NEK1: variants seen among roughly 807,000 people sequenced by gnomAD.
NEK1 encodes the protein serine/threonine-protein kinase Nek1.
Under a neutral mutation model 182.1 loss-of-function variants are expected in NEK1, and 137 were observed. That is an observed-to-expected ratio of 0.75 (90% CI 0.65 to 0.87). The LOEUF (loss-of-function observed/expected upper bound fraction) is 0.87. Among genes scored for constraint, NEK1 ranks in the 40% least tolerant of loss-of-function variants. The pLI, the probability that NEK1 is intolerant of heterozygous loss-of-function variation, is 0.00. For synonymous variants in NEK1, 513 were observed against 492.2 expected, an observed-to-expected ratio of 1.04 and a Z score of -0.56; for missense variants, 1,391 against 1,494.4, an observed-to-expected ratio of 0.93 and a Z score of 1.14.
At position 169,477,158 on chromosome 4, in the gene NEK1, C is replaced by G. The variant is rs753381599; in HGVS notation, c.2400G>C (p.Glu800Asp). 12 of 1,606,376 alleles carry G rather than the reference C, an allele frequency of 7.5e-6. No individual in the cohort carries two copies. The highest frequency in any genetic ancestry group is 1.6e-4 in the Middle Eastern group (1 of 6,078). ...TAGAGAAGGATGTATCTAGTGTTAA[C>G]TCATCCAGAGGAATCACAAGTTGAC... ...AGGQLVIPLDELTLDTSFSTT... is the reference protein window; with the variant it reads ...AGGQLVIPLDDLTLDTSFSTT... Residue 800 changes from glutamate to aspartate, a missense_variant, in exon 26 of 36, where the codon GAG becomes GAC. Coordinates refer to ENST00000507142, the MANE Select transcript of NEK1 (RefSeq NM_001199397.3).
At chr4:169,525,690 T>C (rs980432919) in intron 19 of NEK1, among the ~76,000 whole-genome samples, 54 of 152,170 alleles carry the variant, frequency 3.5e-4, no homozygotes, top group African/African-American at 1.2e-3. Flanking sequence ...AAACACCATA[T>C]GGTTTAAAGC....
intron 2 of NEK1, among the ~76,000 whole-genome samples, chr4:169,607,352 T>C (rs1581121308): frequency 6.6e-6 from 1 of 152,116 alleles, no homozygotes; most frequent in Non-Finnish European, 1.5e-5. Flanking sequence ...AATAGAGGAC[T>C]TGAAAGTAAC....
chr4:169,577,080 C>T lies in NEK1; in HGVS notation c.869-1G>A. 1.9e-6 allele frequency: 3 copies of T among 1,613,306 alleles called. No individual in the cohort carries two copies. The highest frequency in any genetic ancestry group is 2.5e-6 in the Non-Finnish European group (3 of 1,179,622). On this transcript the variant is annotated splice_acceptor_variant, in intron 11 of 35. Coordinates refer to ENST00000507142, the MANE Select transcript of NEK1 (RefSeq NM_001199397.3). LOFTEE classifies it high-confidence loss of function. ...TTTTGTCCTGAAGCTGGTCTTTTAG[C>T]TAGATGAAAAGATACAAAGAATTTT...
rs1316575480 is a variant in NEK1 at position 169,602,006 on chromosome 4, A to C, written c.214+2T>G. 6.3e-7 allele frequency: 1 copy of C among 1,597,544 alleles called. No homozygotes were observed. Among genetic ancestry groups the C allele is most frequent in the South Asian group, 1.1e-5 (1 of 89,872 alleles). On this transcript the variant is annotated splice_donor_variant, in intron 4 of 35. Coordinates refer to ENST00000507142, the MANE Select transcript of NEK1 (RefSeq NM_001199397.3). LOFTEE classifies it high-confidence loss of function. ...TTAACTCTCTCGCATAATTTATCTG[A>C]CCTTCAAATGATTCTCTATACTGGA...
chr4:169,580,291 G>A (rs1029106316), intron 11 of NEK1, among the ~76,000 whole-genome samples: 1 of 152,062 alleles, frequency 6.6e-6, no homozygotes, highest in Admixed American at 6.6e-5. Flanking sequence ...GAGGTTGGGA[G>A]TTTGAGACCA....
At chr4:169,602,231 G>T (rs1770622718) in intron 3 of NEK1, 127 bp from the exon 4 acceptor site, 1 of 694,152 alleles carries the variant, frequency 1.4e-6, no homozygotes, top group Non-Finnish European at 2.5e-6. Context: ...ATAGCAAGAA[G>T]TTAAAAAGAA....
chr4:169,587,531 T>C, intron 9 of NEK1, 28 bp downstream of exon 9: 8 of 1,279,468 alleles, frequency 6.3e-6, no homozygotes, highest in Non-Finnish European at 8.6e-6. Flanking sequence ...AACATAACTT[T>C]GAAAGTATTT....
Position 169,580,846 on chromosome 4 carries a change from T to C in NEK1, c.864A>G (p.Ile288Met). 1 of 1,526,514 alleles carries C rather than the reference T, an allele frequency of 6.6e-7. No individual in the cohort carries two copies. The highest frequency in any genetic ancestry group is 8.9e-7 in the Non-Finnish European group (1 of 1,126,568). 94.6% of individuals were successfully genotyped at this position (1,526,514 alleles called of 1,614,324 possible). ...TTCATATCAGATTTCATTTACCTGG[T>C]ATAGGCTGTGATCCAAACTTCGAAA... ...KTFSKFGSQP[I>M]PAKRPASGQN... Residue 288 changes from isoleucine to methionine, a missense_variant, in exon 11 of 36, where the codon ATA (isoleucine) becomes ATG (methionine). Ile to Met is a conservative substitution (Grantham distance 10, BLOSUM62 1). This residue lies in a region of NEK1 where 1,216 missense variants were observed against 1,277.6 expected (regional missense o/e 0.95). Transcript: ENST00000507142.
intron 29 of NEK1, among the ~76,000 whole-genome samples, chr4:169,433,081 A>G (rs1737733988): frequency 6.6e-6 from 1 of 150,696 alleles, no homozygotes; most frequent in African/African-American, 2.4e-5. Flanking sequence ...ATTTTTTGTG[A>G]GACAGTCTTG....
chr4:169,396,009 A>G (rs1730623943), intron 35 of NEK1, among the ~76,000 whole-genome samples: 1 of 152,170 alleles, frequency 6.6e-6, no homozygotes, highest in African/African-American at 2.4e-5. Context: ...ATTTCATTAC[A>G]TAAACGCAGC....
intron 22 of NEK1, among the ~76,000 whole-genome samples, chr4:169,507,358 C>T (rs1329741704): frequency 6.6e-6 from 1 of 151,662 alleles, no homozygotes; most frequent in Non-Finnish European, 1.5e-5. Context: ...AAAATAAAGG[C>T]AGGTATATTT....
chr4:169,424,088 A>T (rs985905357), intron 31 of NEK1, among the ~76,000 whole-genome samples: 1 of 152,164 alleles, frequency 6.6e-6, no homozygotes, highest in Admixed American at 6.5e-5. Context: ...TTTTTATAAG[A>T]AAAAATTGGT....
At chr4:169,466,342 C>T (rs773677907) in intron 26 of NEK1, among the ~76,000 whole-genome samples, 17 of 151,800 alleles carry the variant, frequency 1.1e-4, no homozygotes, top group Non-Finnish European at 1.9e-4. Flanking sequence ...AGAAACATGA[C>T]GAAAGTGACA....
At chr4:169,609,120 T>C (rs1039236330) in intron 2 of NEK1, among the ~76,000 whole-genome samples, 1 of 151,850 alleles carries the variant, frequency 6.6e-6, no homozygotes, top group Non-Finnish European at 1.5e-5. Flanking sequence ...GTAAGTTTTA[T>C]GTTATGTATA....
In NEK1 at chr4:169,479,455, T is replaced by C; in HGVS notation, c.2087A>G (p.Gln696Arg). 1 of 1,612,488 alleles carries C rather than the reference T, an allele frequency of 6.2e-7. No homozygotes were observed. Among genetic ancestry groups the C allele is most frequent in the Non-Finnish European group, 8.5e-7 (1 of 1,179,238 alleles). ...TACAGAAATAACAGATCTCATCTGT[T>C]GCTTTGATGGAGAGCCACCTGTTTC... is the stretch of plus-strand genomic sequence containing the variant. Reference protein sequence around the residue: ...QHETGGSPSKQQMRSVISVTS... With the variant: ...QHETGGSPSKRQMRSVISVTS... Residue 696 changes from glutamine (Q) to arginine (R), a missense_variant, in exon 24 of 36, where the codon CAA becomes CGA. Gln to Arg is a conservative substitution (Grantham distance 43, BLOSUM62 1). This residue lies in a region of NEK1 where 1,216 missense variants were observed against 1,277.6 expected (regional missense o/e 0.95). Coordinates refer to ENST00000507142, the MANE Select transcript of NEK1 (RefSeq NM_001199397.3).
At chr4:169,608,422 A>T (rs1370846471) in intron 2 of NEK1, among the ~76,000 whole-genome samples, 1 of 152,234 alleles carries the variant, frequency 6.6e-6, no homozygotes, top group Non-Finnish European at 1.5e-5. Flanking sequence ...CCCTCATTTT[A>T]CACCAACCTA....
intron 27 of NEK1, among the ~76,000 whole-genome samples, chr4:169,454,508 G>C (rs935035671): frequency 6.6e-6 from 1 of 152,124 alleles, no homozygotes; most frequent in Non-Finnish European, 1.5e-5. Context: ...CCATCAAAAG[G>C]TGGGGAAAAG....
chr4:169,541,157 T>C (rs1759345323), intron 18 of NEK1, among the ~76,000 whole-genome samples: 1 of 152,094 alleles, frequency 6.6e-6, no homozygotes, highest in Non-Finnish European at 1.5e-5. Flanking sequence ...ACAGGATTAC[T>C]GAGATGAAAA....
At chr4:169,548,884 G>A (rs1287223290) in intron 18 of NEK1, among the ~76,000 whole-genome samples, 1 of 152,258 alleles carries the variant, frequency 6.6e-6, no homozygotes, top group Non-Finnish European at 1.5e-5. Flanking sequence ...TTTCAAGCCA[G>A]TGGATCTGAG....
Sources: gnomAD v4.1 joint callset for allele counts (sites outside exome capture counted in the v4.1 genomes callset) on GRCh38, gnomAD v4.1.1 for gene constraint, gnomAD v4.1.1 regional missense constraint, MANE v1.5 for transcripts, NCBI Gene and HGNC (gene_info 2026-07-23, HGNC 2026-07-21) for gene names.